MACROD2: variants seen among roughly 807,000 people sequenced by gnomAD.
The protein encoded by MACROD2 is mono-ADP ribosylhydrolase 2.
Under a neutral mutation model 70.4 loss-of-function variants are expected in MACROD2, and 36 were observed. That is an observed-to-expected ratio of 0.51 (90% CI 0.39 to 0.68). The LOEUF (loss-of-function observed/expected upper bound fraction) is 0.68, where lower values mean the gene tolerates loss of function less well. Among genes scored for constraint, MACROD2 ranks in the 30% least tolerant of loss-of-function variants. The pLI, the probability that MACROD2 is intolerant of heterozygous loss-of-function variation, is 0.00. For synonymous variants in MACROD2, 172 were observed against 178.8 expected (o/e 0.96, Z 0.30); for missense variants, 496 against 538.4 (o/e 0.92, Z 0.78).
intron 3 of MACROD2, among the ~76,000 whole-genome samples, chr20:14,320,830 C>A (rs997592946): frequency 5.9e-5 from 9 of 152,082 alleles, no homozygotes; most frequent in African/African-American, 2.2e-4. Context: ...AAACATTGCC[C>A]ATTTTTATTT....
In MACROD2 at chr20:15,654,326, C is replaced by T. The variant is rs1360076788; in HGVS notation, c.645+154479C>T. Among the ~76,000 whole-genome samples the T allele has an allele frequency of 2.6e-5, 4 of 152,136 alleles. No homozygotes were observed. In the East Asian group the frequency reaches 5.8e-4, roughly 22 times the overall value. On this transcript the variant is annotated intron_variant, in intron 8 of 17. Transcript: ENST00000684519. ...CCTGGTAAGTGGGTGCCAGGAGCTC[C>T]CCCTAGAGTTTAAAATGTGCCATTG...
intron 5 of MACROD2, among the ~76,000 whole-genome samples, chr20:15,004,943 A>G (rs2075024231): frequency 6.6e-6 from 1 of 152,174 alleles, no homozygotes; most frequent in Non-Finnish European, 1.5e-5. Context: ...AGTTTCCTCC[A>G]AAGTTGGAAT....
intron 5 of MACROD2, among the ~76,000 whole-genome samples, chr20:15,164,492 A>G (rs542306590): frequency 6.6e-6 from 1 of 152,318 alleles, no homozygotes; most frequent in South Asian, 2.1e-4. Context: ...GAATCATAAT[A>G]AAATCAGTAC....
intron 4 of MACROD2, among the ~76,000 whole-genome samples, chr20:14,675,000 A>T (rs912307767): frequency 6.6e-6 from 1 of 152,200 alleles, no homozygotes; most frequent in Admixed American, 6.5e-5. Context: ...AAGAATTCCA[A>T]AATTTCCCTT....
intron 4 of MACROD2, among the ~76,000 whole-genome samples, chr20:14,653,264 G>C (rs558789220): frequency 3.3e-5 from 5 of 150,968 alleles, no homozygotes; most frequent in African/African-American, 1.2e-4. Context: ...TGTTGCCCAG[G>C]CTGGAGTGCA....
chr20:14,891,048 CCTT>C (rs1359401154), intron 5 of MACROD2, among the ~76,000 whole-genome samples: 3 of 141,564 alleles, frequency 2.1e-5, no homozygotes, highest in Non-Finnish European at 3.1e-5. Flanking sequence ...TTCCTCCTTT[CCTT>C]CTTCTTCCTC....
chr20:15,388,479 C>A (rs1284669837), intron 6 of MACROD2, among the ~76,000 whole-genome samples: 1 of 152,024 alleles, frequency 6.6e-6, no homozygotes, highest in Non-Finnish European at 1.5e-5. Context: ...AGATGCCCGG[C>A]CAAATTTGAA....
chr20:15,297,917 T>C (rs2077606266), intron 6 of MACROD2, among the ~76,000 whole-genome samples: 1 of 152,224 alleles, frequency 6.6e-6, no homozygotes, highest in Non-Finnish European at 1.5e-5. Context: ...TGGGAAAGTC[T>C]GCCCACAAAT....
chr20:15,308,823 A>G (rs1336588008), intron 6 of MACROD2, among the ~76,000 whole-genome samples: 1 of 152,198 alleles, frequency 6.6e-6, no homozygotes, highest in African/African-American at 2.4e-5. Context: ...GTCCCTACTC[A>G]GAGCTCAGCA....
intron 6 of MACROD2, among the ~76,000 whole-genome samples, chr20:15,317,316 C>A (rs904002563): frequency 6.6e-6 from 1 of 151,964 alleles, no homozygotes; most frequent in Admixed American, 6.6e-5. Context: ...AGACCTACAA[C>A]AAAAATATCA....
chr20:15,214,058 CA>C (rs1568642054), intron 5 of MACROD2, among the ~76,000 whole-genome samples: 1 of 152,048 alleles, frequency 6.6e-6, no homozygotes, highest in Non-Finnish European at 1.5e-5. Flanking sequence ...TCTTTTCTGA[CA>C]GTAGGAAAAA....
intron 1 of MACROD2, among the ~76,000 whole-genome samples, chr20:13,996,650 C>T (rs1255831389): frequency 6.6e-6 from 1 of 152,126 alleles, no homozygotes; most frequent in Non-Finnish European, 1.5e-5. Context: ...GATCCAGCGT[C>T]TCCCACCAAG....
At chr20:14,076,124 G>C (rs980549508) in intron 2 of MACROD2, among the ~76,000 whole-genome samples, 1 of 152,110 alleles carries the variant, frequency 6.6e-6, no homozygotes, top group Non-Finnish European at 1.5e-5. Context: ...TAAAGTTTTA[G>C]AATAAAAGCT....
At chr20:14,493,548 T>G in intron 4 of MACROD2, 40 bp downstream of exon 4, 1 of 1,514,828 alleles carries the variant, frequency 6.6e-7, no homozygotes, top group Non-Finnish European at 9.2e-7. Flanking sequence ...TACATTTTAA[T>G]TGTTATACCA....
At chr20:14,407,341 G>T (rs1185817333) in intron 3 of MACROD2, among the ~76,000 whole-genome samples, 1 of 151,858 alleles carries the variant, frequency 6.6e-6, no homozygotes, top group Non-Finnish European at 1.5e-5. Context: ...CTTACTTTGT[G>T]TCACCCTAAA....
intron 6 of MACROD2, among the ~76,000 whole-genome samples, chr20:15,272,122 A>T (rs557637064): frequency 7.8e-4 from 118 of 152,222 alleles, no homozygotes; most frequent in Non-Finnish European, 1.5e-3. Flanking sequence ...TAAGTCTGCT[A>T]AAATGTCTAA....
chr20:15,157,733 C>G (rs1474915937), intron 5 of MACROD2, among the ~76,000 whole-genome samples: 1 of 152,152 alleles, frequency 6.6e-6, no homozygotes, highest in Non-Finnish European at 1.5e-5. Flanking sequence ...ATGGTGGGCA[C>G]TGGCAGGAAA....
intron 15 of MACROD2, among the ~76,000 whole-genome samples, chr20:15,991,080 T>C (rs976842818): frequency 1.3e-4 from 20 of 152,082 alleles, no homozygotes; most frequent in African/African-American, 4.8e-4. Context: ...CCAAATATAT[T>C]AGGACTTACC....
intron 4 of MACROD2, among the ~76,000 whole-genome samples, chr20:14,674,687 A>G (rs2070837762): frequency 6.6e-6 from 1 of 152,204 alleles, no homozygotes; most frequent in Non-Finnish European, 1.5e-5. Context: ...GCACATCTTC[A>G]AAATATGTGA....
Sources: gnomAD v4.1 joint callset for allele counts (sites outside exome capture counted in the v4.1 genomes callset) on GRCh38, gnomAD v4.1.1 for gene constraint, MANE v1.5 for transcripts, NCBI Gene and HGNC (gene_info 2026-07-23, HGNC 2026-07-21) for gene names.